The following C12orf54 variants were observed in gnomAD, a reference collection of about 807,000 sequenced individuals.
C12orf54 encodes uncharacterized protein C12orf54.
Under a neutral mutation model 26.4 loss-of-function variants are expected in C12orf54, and 24 were observed. The ratio of observed to expected loss-of-function variants is 0.91; its 90% CI spans 0.66 to 1.28. The LOEUF (loss-of-function observed/expected upper bound fraction) is 1.28, where lower values mean the gene tolerates loss of function less well. Ranked by LOEUF, C12orf54 falls within the 50% of genes most tolerant of loss-of-function variation. The pLI, the probability that C12orf54 is intolerant of heterozygous loss-of-function variation, is 0.00. For missense variants in C12orf54, 154 were observed against 150.9 expected (o/e 1.02, Z -0.11); for synonymous variants, 54 against 47.0 (o/e 1.15, Z -0.61).
At chr12:48,437,398 T>C in the C12orf54 span, among the ~76,000 whole-genome samples, 2 of 152,214 alleles carry the variant, frequency 1.3e-5, no homozygotes, top group African/African-American at 4.8e-5. Context: ...CTAACTCATT[T>C]TGTGAGGCCA....
At chr12:48,484,278 C>T (rs1014189792) in intron 2 of C12orf54, among the ~76,000 whole-genome samples, 4 of 152,176 alleles carry the variant, frequency 2.6e-5, no homozygotes, top group Non-Finnish European at 5.9e-5. Flanking sequence ...TTAACTGGAC[C>T]TCAAGCCTGA....
the C12orf54 span, among the ~76,000 whole-genome samples, chr12:48,445,088 G>A: frequency 3.3e-5 from 5 of 152,048 alleles, no homozygotes; most frequent in Non-Finnish European, 7.4e-5. Flanking sequence ...GGAGAATGGC[G>A]GGTGAACCCG....
At chr12:48,489,828 T>C (rs1436702774) in intron 5 of C12orf54, among the ~76,000 whole-genome samples, 1 of 151,970 alleles carries the variant, frequency 6.6e-6, no homozygotes, top group Non-Finnish European at 1.5e-5. Flanking sequence ...TTCCAGTGAT[T>C]CTCCTGCCTC....
At chr12:48,478,092 CAT>C (rs1446219152), upstream of C12orf54, among the ~76,000 whole-genome samples, 8 of 152,298 alleles carry the variant, frequency 5.3e-5, no homozygotes, top group African/African-American at 1.7e-4. Flanking sequence ...GCTGGTTCAA[CAT>C]ACACAAATCA....
the C12orf54 span, among the ~76,000 whole-genome samples, chr12:48,452,283 C>T: frequency 9.2e-5 from 14 of 152,078 alleles, no homozygotes; most frequent in East Asian, 1.9e-4. Context: ...CCTAGCCATA[C>T]GCAGATAGTT....
chr12:48,476,789 T>C, the C12orf54 span, among the ~76,000 whole-genome samples: 4 of 152,040 alleles, frequency 2.6e-5, no homozygotes, highest in Non-Finnish European at 5.9e-5. Context: ...TCCCACACAA[T>C]AATAATGGGA....
chr12:48,471,911 TG>T, the C12orf54 span, among the ~76,000 whole-genome samples: 29 of 152,228 alleles, frequency 1.9e-4, no homozygotes, highest in Admixed American at 2.6e-4. Context: ...GAAATAGTGT[TG>T]AATCTGTAAG....
At chr12:48,462,916 A>T in the C12orf54 span, among the ~76,000 whole-genome samples, 1 of 152,000 alleles carries the variant, frequency 6.6e-6, no homozygotes, top group East Asian at 1.9e-4. Flanking sequence ...ACAATAAAAG[A>T]GACAAAAGCC....
chr12:48,430,231 G>A, the C12orf54 span, among the ~76,000 whole-genome samples: 1 of 152,144 alleles, frequency 6.6e-6, no homozygotes, highest in Non-Finnish European at 1.5e-5. Context: ...AATCCTTCTA[G>A]ACATTGGCTT....
intron 6 of C12orf54, among the ~76,000 whole-genome samples, chr12:48,491,977 T>C (rs951811635): frequency 1.3e-5 from 2 of 152,124 alleles, no homozygotes; most frequent in African/African-American, 4.8e-5. Context: ...ATCCCACTGA[T>C]TATCAAGGAT....
the C12orf54 span, among the ~76,000 whole-genome samples, chr12:48,439,612 C>T: frequency 6.6e-6 from 1 of 152,098 alleles, no homozygotes; most frequent in Non-Finnish European, 1.5e-5. Context: ...ATGGATGAAG[C>T]TGGAAACCAT....
At chr12:48,486,230 T>C in intron 3 of C12orf54, 22 bp downstream of exon 3, 2 of 1,601,076 alleles carry the variant, frequency 1.2e-6, no homozygotes, top group Non-Finnish European at 1.7e-6. Context: ...ATCCAAATTC[T>C]CTGGATCCTC....
the C12orf54 span, among the ~76,000 whole-genome samples, chr12:48,456,762 A>C: frequency 1.3e-5 from 2 of 150,400 alleles, no homozygotes; most frequent in Non-Finnish European, 1.5e-5. Flanking sequence ...GGTTCTCATC[A>C]GTTGAAAAAA....
At chr12:48,447,756 C>T in the C12orf54 span, among the ~76,000 whole-genome samples, 1 of 152,072 alleles carries the variant, frequency 6.6e-6, no homozygotes, top group Non-Finnish European at 1.5e-5. Context: ...AGAGATTTTG[C>T]AGATGTCATT....
the C12orf54 span, among the ~76,000 whole-genome samples, chr12:48,476,851 A>C: frequency 6.6e-6 from 1 of 152,228 alleles, no homozygotes; most frequent in Non-Finnish European, 1.5e-5. Flanking sequence ...ACAGAAAGTT[A>C]ACAAGGATAT....
intron 6 of C12orf54, among the ~76,000 whole-genome samples, chr12:48,491,272 C>G (rs536617756): frequency 6.6e-6 from 1 of 152,148 alleles, no homozygotes; most frequent in South Asian, 2.1e-4. Context: ...CATAGACAAC[C>G]AACTTTTTCA....
chr12:48,436,925 T>C, the C12orf54 span, among the ~76,000 whole-genome samples: 3 of 152,096 alleles, frequency 2.0e-5, no homozygotes, highest in South Asian at 2.1e-4. Context: ...CTGAAGGAAA[T>C]AGAGACACAA....
the C12orf54 span, among the ~76,000 whole-genome samples, chr12:48,467,351 T>A: frequency 1.3e-5 from 2 of 152,180 alleles, no homozygotes; most frequent in Non-Finnish European, 2.9e-5. Flanking sequence ...CCAACAGAAC[T>A]GTGAGGGAAT....
intron 4 of C12orf54, 74 bp from the exon 5 acceptor site, chr12:48,488,850 T>C: frequency 7.5e-7 from 1 of 1,326,384 alleles, no homozygotes; most frequent in Non-Finnish European, 1.1e-6. Context: ...TAACTTAATT[T>C]TATATGTGAA....
Sources: allele counts gnomAD v4.1 joint callset (sites outside exome capture counted in the v4.1 genomes callset), GRCh38; gene constraint gnomAD v4.1.1; transcripts MANE v1.5; gene names NCBI Gene and HGNC (gene_info 2026-07-23, HGNC 2026-07-21).